The following TSHZ2 variants were observed in gnomAD, a reference collection of about 807,000 sequenced individuals.
TSHZ2 encodes the protein teashirt zinc finger homeobox 2, also known as teashirt homolog 2.
A neutral mutation model predicts 74.4 loss-of-function variants in TSHZ2; 21 were observed. The ratio of observed to expected loss-of-function variants is 0.28; its 90% confidence interval spans 0.20 to 0.41. The LOEUF (loss-of-function observed/expected upper bound fraction) is 0.41. Among genes scored for constraint, TSHZ2 ranks in the 10% least tolerant of loss-of-function variants. The pLI, the probability that TSHZ2 is intolerant of heterozygous loss-of-function variation, is 1.00. For missense variants in TSHZ2, 1,244 were observed against 1,293.5 expected (o/e 0.96, Z 0.59); for synonymous variants, 540 against 515.3 (o/e 1.05, Z -0.65).
intron 1 of TSHZ2, among the ~76,000 whole-genome samples, chr20:53,155,215 ATTGT>A (rs926141019): frequency 3.4e-4 from 51 of 151,968 alleles, no homozygotes; most frequent in African/African-American, 1.2e-3. Flanking sequence ...TATTGTATCA[ATTGT>A]TTGACCAGGC....
Position 53,099,320 on chromosome 20 carries a change from A to G in TSHZ2, c.40+125987A>G, listed in dbSNP as rs186667786. On this transcript the variant is annotated intron_variant, in intron 1 of 2. Coordinates refer to ENST00000371497, the MANE Select transcript of TSHZ2 (RefSeq NM_173485.6). ...ATAAACCCTATTATTATTATCATCT[A>G]GTGCTTGTAGAGGGCCTTCCCTGTT... 4.4e-3 allele frequency among the ~76,000 whole-genome samples: 674 copies of G among 152,296 alleles called. 3 individuals are homozygous for G. Among genetic ancestry groups the G allele is most frequent in the Non-Finnish European group, 6.0e-3 (408 of 68,032 alleles).
At chr20:53,187,357 T>C (rs899909466) in intron 1 of TSHZ2, among the ~76,000 whole-genome samples, 2 of 152,238 alleles carry the variant, frequency 1.3e-5, no homozygotes, top group Non-Finnish European at 2.9e-5. Context: ...ATTTCTGATA[T>C]AATATCGTGT....
At chr20:53,305,443 AC>A (rs1390473269) in intron 2 of TSHZ2, among the ~76,000 whole-genome samples, 1 of 152,008 alleles carries the variant, frequency 6.6e-6, no homozygotes, top group African/African-American at 2.4e-5. Flanking sequence ...CATTCAGCTT[AC>A]TAGGCAGAGA....
intron 2 of TSHZ2, among the ~76,000 whole-genome samples, chr20:53,352,322 A>G (rs1980679858): frequency 1.4e-5 from 2 of 146,908 alleles, no homozygotes; most frequent in Admixed American, 7.1e-5. Flanking sequence ...CTTTATCACC[A>G]ACATCATTCT....
At chr20:53,453,347 A>G (rs1357234378) in intron 2 of TSHZ2, among the ~76,000 whole-genome samples, 2 of 152,232 alleles carry the variant, frequency 1.3e-5, no homozygotes, top group African/African-American at 2.4e-5. Flanking sequence ...ATTTTTCTCT[A>G]CGAACACATT....
At chr20:53,331,377 AG>A (rs1222631098) in intron 2 of TSHZ2, among the ~76,000 whole-genome samples, 1 of 152,172 alleles carries the variant, frequency 6.6e-6, no homozygotes, top group Admixed American at 6.5e-5. Context: ...GCAAAAACCG[AG>A]GTGCTTGGTT....
intron 1 of TSHZ2, among the ~76,000 whole-genome samples, chr20:53,040,457 T>C (rs1386669207): frequency 1.3e-5 from 2 of 152,094 alleles, no homozygotes. Flanking sequence ...TGGAAGGGTT[T>C]TGAGCCAAGG....
intron 1 of TSHZ2, among the ~76,000 whole-genome samples, chr20:53,128,537 G>T (rs1175259742): frequency 6.6e-6 from 1 of 152,160 alleles, no homozygotes; most frequent in Non-Finnish European, 1.5e-5. Flanking sequence ...AAACCACCAA[G>T]TACCATAATT....
At chr20:53,270,973 T>G (rs180775619) in intron 2 of TSHZ2, among the ~76,000 whole-genome samples, 221 of 152,282 alleles carry the variant, frequency 1.5e-3, no homozygotes, top group African/African-American at 5.0e-3. Flanking sequence ...TTCGTTAGAC[T>G]CTCCCGTGAG....
intron 2 of TSHZ2, among the ~76,000 whole-genome samples, chr20:53,418,807 C>T (rs1600624411): frequency 6.6e-6 from 1 of 152,170 alleles, no homozygotes; most frequent in South Asian, 2.1e-4. Context: ...CTCTCCTCCC[C>T]ACTCGCTCCC....
chr20:53,449,904 G>A (rs1212764603), intron 2 of TSHZ2, among the ~76,000 whole-genome samples: 1 of 152,182 alleles, frequency 6.6e-6, no homozygotes, highest in Non-Finnish European at 1.5e-5. Context: ...TTTTTGTTAT[G>A]TGCTTTGCAT....
chr20:53,163,242 G>A (rs1987983742), intron 1 of TSHZ2, among the ~76,000 whole-genome samples: 1 of 151,996 alleles, frequency 6.6e-6, no homozygotes, highest in Non-Finnish European at 1.5e-5. Context: ...CTTGAAAGTG[G>A]ATGGACTTAC....
chr20:53,429,381 C>A (rs1012283384), intron 2 of TSHZ2, among the ~76,000 whole-genome samples: 1 of 152,212 alleles, frequency 6.6e-6, no homozygotes, highest in Non-Finnish European at 1.5e-5. Context: ...TGAATTCCCA[C>A]GTGTTGTGGG....
intron 2 of TSHZ2, among the ~76,000 whole-genome samples, chr20:53,293,143 G>A (rs6022377): frequency 0.18 from 27,816 of 152,196 alleles, 2,606 homozygotes; most frequent in Middle Eastern, 0.33. Flanking sequence ...TAAAATCTCC[G>A]TGGCATTTCT....
intron 2 of TSHZ2, among the ~76,000 whole-genome samples, chr20:53,257,187 G>A (rs1170708573): frequency 6.6e-6 from 1 of 152,220 alleles, no homozygotes; most frequent in Non-Finnish European, 1.5e-5. Flanking sequence ...CTATGAATGA[G>A]CATGTGCCCT....
chr20:53,240,628 T>C (rs1009316864), intron 1 of TSHZ2, among the ~76,000 whole-genome samples: 3 of 151,988 alleles, frequency 2.0e-5, no homozygotes, highest in African/African-American at 7.2e-5. Flanking sequence ...GGTTTTGTTT[T>C]TGGTAATTTC....
chr20:53,312,170 G>A (rs552532088), intron 2 of TSHZ2, among the ~76,000 whole-genome samples: 12 of 152,130 alleles, frequency 7.9e-5, no homozygotes, highest in African/African-American at 1.7e-4. Context: ...AAGATGCGGC[G>A]GAGTGCAATA....
chr20:53,191,662 C>CA (rs979283435), intron 1 of TSHZ2, among the ~76,000 whole-genome samples: 2 of 151,914 alleles, frequency 1.3e-5, no homozygotes, highest in African/African-American at 4.8e-5. Context: ...GACTCTGTCT[C>CA]AAAAAAAATT....
intron 2 of TSHZ2, among the ~76,000 whole-genome samples, chr20:53,280,241 T>G (rs1320951977): frequency 6.6e-6 from 1 of 152,164 alleles, no homozygotes; most frequent in African/African-American, 2.4e-5. Context: ...CTTTATAAAC[T>G]TAATGCATCA....
Sources: allele counts gnomAD v4.1 joint callset (sites outside exome capture counted in the v4.1 genomes callset), GRCh38; gene constraint gnomAD v4.1.1; transcripts MANE v1.5; gene names NCBI Gene and HGNC (gene_info 2026-07-23, HGNC 2026-07-21).